HELZ2: variants seen among roughly 807,000 people sequenced by gnomAD.
HELZ2 encodes helicase with zinc finger 2.
A neutral mutation model predicts 208.8 loss-of-function variants in HELZ2; 143 were observed. The observed-to-expected ratio is 0.68, with a 90% CI of 0.60 to 0.79. The LOEUF is 0.79. Ranked by LOEUF, HELZ2 falls within the 30% of genes least tolerant of loss-of-function variation. The pLI is 0.00. For missense variants in HELZ2, 3,690 were observed against 3,794.5 expected (o/e 0.97, Z 0.72); for synonymous variants, 1,705 against 1,693.7 (o/e 1.01, Z -0.16).
At chr20:63,564,741 C>A (rs745996228) in exon 8 of HELZ2, 1 of 1,611,664 alleles carries the variant, frequency 6.2e-7, no homozygotes, top group Non-Finnish European at 8.5e-7. Flanking sequence ...GGACCCAGGT[C>A]TCGGACACTG....
intron 5 of HELZ2, chr20:63,568,060 A>G (rs1164136502): frequency 1.8e-6 from 1 of 543,516 alleles, no homozygotes; most frequent in Non-Finnish European, 3.2e-6. Context: ...CTGTGTTTCT[A>G]TAAAAACGAA....
chr20:63,567,691 C>G, intron 5 of HELZ2, 64 bp from the exon 7 acceptor site: 1 of 1,529,290 alleles, frequency 6.5e-7, no homozygotes, highest in Non-Finnish European at 8.8e-7. Context: ...CGCTAAAGCA[C>G]CTACTGTGTG....
intron 5 of HELZ2, 168 bp from the exon 7 acceptor site, chr20:63,567,795 A>G (rs2082979094): frequency 7.0e-7 from 1 of 1,430,624 alleles, no homozygotes; most frequent in Non-Finnish European, 9.2e-7. Context: ...CCAAGGGGCA[A>G]GAGGCCACGG....
upstream of HELZ2, chr20:63,572,530 G>T: frequency 2.2e-6 from 2 of 905,114 alleles, no homozygotes; most frequent in Non-Finnish European, 3.2e-6. Flanking sequence ...GGCGGCCCTC[G>T]GCGCTCACGT....
At chr20:63,559,049 T>C (rs4809581), downstream of HELZ2, 249,199 of 567,056 alleles carry the variant, frequency 0.44, 56,319 homozygotes, top group Admixed American at 0.54. Flanking sequence ...TGTCCCCAGA[T>C]GCCCAGGAGG....
chr20:63,566,474 G>A, intron 6 of HELZ2, 21 bp from the exon 8 acceptor site: 1 of 1,546,306 alleles, frequency 6.5e-7, no homozygotes, highest in Non-Finnish European at 8.7e-7. Flanking sequence ...AGCAGGGCCG[G>A]GGATGAGTGC....
exon 8 of HELZ2, chr20:63,563,950 C>T (rs199824543): frequency 1.1e-5 from 17 of 1,594,870 alleles, no homozygotes; most frequent in Admixed American, 6.8e-5. Context: ...GCATGTCGTC[C>T]GTGGTGACCA....
chr20:63,559,294 C>T lies in HELZ2; in HGVS notation c.7902G>A (p.Val2634=), dbSNP rs1234368746. 4.4e-6 allele frequency: 7 copies of T among 1,595,364 alleles called. No homozygotes were observed. In the African/African-American group the frequency reaches 5.3e-5, roughly 12 times the overall value. Residue 2634 remains valine, a synonymous_variant, in exon 19 of 19, where the codon GTG becomes GTA. Coordinates refer to ENST00000467148, the Ensembl canonical transcript of HELZ2. ...TGCAGACGCGCACCTGGCCGGCAGG[C>T]ACGAGGGTCTGCTGAGCCTCGCAGA... is the stretch of plus-strand genomic sequence containing the variant.
exon 8 of HELZ2, chr20:63,562,942 C>T: frequency 6.3e-7 from 1 of 1,591,538 alleles, no homozygotes; most frequent in Non-Finnish European, 8.5e-7. Flanking sequence ...CGGAGTCATT[C>T]TCGGCAACCG....
At position 63,570,793 on chromosome 20, in the gene HELZ2, GC is replaced by G; in HGVS notation, c.353del (p.Arg118ProfsTer53). 1 of 1,611,070 alleles carries G rather than the reference GC, an allele frequency of 6.2e-7. No individual in the cohort carries two copies. The highest frequency in any genetic ancestry group is 8.5e-7 in the Non-Finnish European group (1 of 1,179,264). On this transcript the variant is annotated frameshift_variant, in exon 2 of 19. Transcript: ENST00000467148. LOFTEE classifies it high-confidence loss of function. ...GCCCCCGCAGCTCCACAGCCTGCGT[GC>G]GCCGGACCCACTCCTGCAGCTCCTG...
chr20:63,570,981 T>A, intron 1 of HELZ2, 113 bp from the exon 3 acceptor site: 1 of 805,028 alleles, frequency 1.2e-6, no homozygotes, highest in Non-Finnish European at 1.9e-6. Flanking sequence ...GGGGCTTTAT[T>A]CGTCCCACCC....
exon 8 of HELZ2, chr20:63,564,939 G>C (rs1381232643): frequency 1.9e-6 from 3 of 1,610,348 alleles, no homozygotes; most frequent in South Asian, 1.1e-5. Flanking sequence ...CGGAGGCCCT[G>C]CTCCCAGGTG....
At chr20:63,563,872 G>A (rs2082917625) in exon 8 of HELZ2, 12 of 1,596,358 alleles carry the variant, frequency 7.5e-6, no homozygotes, top group East Asian at 6.8e-5. Context: ...GGCCCCGGGC[G>A]CAGCGGCCGA....
chr20:63,562,114 C>G (rs995060746), exon 10 of HELZ2: 2 of 1,612,460 alleles, frequency 1.2e-6, no homozygotes, highest in African/African-American at 2.7e-5. Flanking sequence ...TCCAGAGCCT[C>G]CCTGACCGCC....
chr20:63,566,793 C>G (rs567745586), intron 6 of HELZ2, 51 bp downstream of exon 7: 3 of 1,513,694 alleles, frequency 2.0e-6, no homozygotes, highest in East Asian at 4.5e-5. Flanking sequence ...AGAGCTCCCC[C>G]TCCCCCAGCA....
At chr20:63,568,296 T>A in intron 5 of HELZ2, 62 bp downstream of exon 6, 1 of 1,281,750 alleles carries the variant, frequency 7.8e-7, no homozygotes, top group Non-Finnish European at 1.1e-6. Flanking sequence ...GGTGACCGCC[T>A]GCCCGGTGTA....
Position 63,566,470 on chromosome 20 carries a change from G to T in HELZ2, c.2515-17C>A, listed in dbSNP as rs1426731345. 2 of 1,546,834 alleles carry T rather than the reference G, an allele frequency of 1.3e-6. No individual in the cohort carries two copies. The highest frequency in any genetic ancestry group is 2.7e-5 in the African/African-American group (2 of 72,904). ...TGCACTGACCTGAAGACGCAGCAGG[G>T]CCGGGGATGAGTGCTGGACGCAGTG... On this transcript the variant is annotated splice_polypyrimidine_tract_variant and intron_variant, in intron 6 of 18. Transcript: ENST00000467148.
chr20:63,570,020 C>A, intron 3 of HELZ2: 1 of 447,864 alleles, frequency 2.2e-6, no homozygotes, highest in Non-Finnish European at 4.1e-6. Context: ...GCGATCTCAA[C>A]TCACTACAAC....
Position 63,567,579 on chromosome 20 carries a change from GC to G in HELZ2, c.1778del (p.Gly593AlafsTer11). 1 of 1,590,526 alleles carries G rather than the reference GC, an allele frequency of 6.3e-7. No individual in the cohort carries two copies. Among genetic ancestry groups the G allele is most frequent in the Non-Finnish European group, 8.5e-7 (1 of 1,169,802 alleles). ...GGAGAGGAGTGGCCTCGGGGTGGCC[GC>G]CGCTGACGTGGCTGTGGAAATACTC... On this transcript the variant is annotated frameshift_variant, in exon 6 of 19. Coordinates refer to ENST00000467148, the Ensembl canonical transcript of HELZ2. LOFTEE classifies it high-confidence loss of function.
Sources: allele counts gnomAD v4.1 joint callset, GRCh38; gene constraint gnomAD v4.1.1; transcripts MANE v1.5; gene names NCBI Gene and HGNC (gene_info 2026-07-23, HGNC 2026-07-21).